KLF12: variants seen among roughly 807,000 people sequenced by gnomAD.
KLF12 encodes the protein Krueppel-like factor 12.
KLF12 carries 9 observed loss-of-function variants against 37.8 expected under a neutral mutation model. The observed-to-expected ratio is 0.24, with a 90% CI of 0.14 to 0.42. The LOEUF (loss-of-function observed/expected upper bound fraction) is 0.42, where lower values mean the gene tolerates loss of function less well. KLF12 is among the 10% of genes least tolerant of loss of function. The pLI, the probability that KLF12 is intolerant of heterozygous loss-of-function variation, is 1.00. For synonymous variants in KLF12, 208 were observed against 202.1 expected, an observed-to-expected ratio of 1.03 and a Z score of -0.25; for missense variants, 411 against 516.0, an observed-to-expected ratio of 0.80 and a Z score of 1.97.
At chr13:74,189,617 G>A in the KLF12 span, among the ~76,000 whole-genome samples, 1,511 of 152,274 alleles carry the variant, frequency 9.9e-3, 26 homozygotes, top group African/African-American at 0.031. Flanking sequence ...TGAAAGCGTG[G>A]AAGATCTGCC....
At chr13:73,934,765 C>G (rs576282496) in intron 3 of KLF12, among the ~76,000 whole-genome samples, 1 of 151,896 alleles carries the variant, frequency 6.6e-6, no homozygotes, top group East Asian at 1.9e-4. Context: ...TCCATCCCAT[C>G]TGAAAAATGT....
rs553064622 is a variant in KLF12, at chr13:73,835,565, T to G, written c.670+10262A>C. 9.1e-4 allele frequency among the ~76,000 whole-genome samples: 138 copies of G among 152,100 alleles called. 1 individual carries two copies. The highest frequency in any genetic ancestry group is 3.1e-3 in the African/African-American group (130 of 41,498). On this transcript the variant is annotated intron_variant, in intron 4 of 7. Transcript: ENST00000377669. ...AAGGTGTTAGAACTGAGGGGGTTAC[T>G]TTGAAAGGGAGGTGCAGAAAGGGCA...
Position 73,930,912 on chromosome 13 carries a change from G to A in KLF12, c.123+13069C>T, listed in dbSNP as rs138920743. ...CGGAGTTTCGCTCCTTGCCCAGGCT[G>A]GAGTGCAATGGCGCGATCTCGGCTC... On this transcript the variant is annotated intron_variant, in intron 3 of 7. Transcript: ENST00000377669. 6.4e-3 allele frequency among the ~76,000 whole-genome samples: 834 copies of A among 131,028 alleles called. 11 individuals are homozygous for A. The highest frequency in any genetic ancestry group is 0.022 in the African/African-American group (755 of 34,440). The allele number at this position is 131,028 out of a possible 152,430, so 86.0% of individuals were successfully genotyped here.
the KLF12 span, among the ~76,000 whole-genome samples, chr13:74,161,267 T>G: frequency 6.6e-6 from 1 of 152,096 alleles, no homozygotes; most frequent in Non-Finnish European, 1.5e-5. Context: ...TACATCCACC[T>G]GGAACCCCAG....
intron 5 of KLF12, chr13:73,801,418 A>C (rs1436566461): frequency 6.6e-6 from 1 of 152,092 alleles, no homozygotes; most frequent in Admixed American, 6.6e-5. Context: ...TATATTAATA[A>C]ATGAAATAGT....
At chr13:74,022,137 A>G (rs1389969830) in intron 1 of KLF12, among the ~76,000 whole-genome samples, 1 of 152,148 alleles carries the variant, frequency 6.6e-6, no homozygotes, top group African/African-American at 2.4e-5. Flanking sequence ...ACAATACTAG[A>G]TATTAGTCAC....
intron 6 of KLF12, among the ~76,000 whole-genome samples, chr13:73,739,207 C>A (rs1448194781): frequency 6.6e-6 from 1 of 150,870 alleles, no homozygotes; most frequent in African/African-American, 2.4e-5. Context: ...ACACTCCAGA[C>A]TGGGTGACAG....
chr13:74,044,819 T>G (rs111457861), intron 1 of KLF12, among the ~76,000 whole-genome samples: 6,766 of 149,634 alleles, frequency 0.045, 185 homozygotes, highest in Non-Finnish European at 0.063. Flanking sequence ...CACTCCAGCC[T>G]GGGTGACAAA....
At chr13:73,743,839 G>T (rs568964479) in intron 6 of KLF12, among the ~76,000 whole-genome samples, 2 of 152,106 alleles carry the variant, frequency 1.3e-5, no homozygotes, top group African/African-American at 4.8e-5. Context: ...AGAAAGTTAC[G>T]CTTCCAGGAA....
Position 73,945,631 on chromosome 13 carries a change from A to G in KLF12, c.34-1561T>C, listed in dbSNP as rs1890388354. The stretch of plus-strand genomic sequence containing the variant: ...ATGTTCCAAGAAATAAAACATACAG[A>G]GCCTCCAAGGAATCAACAAAAAAAA... On this transcript the variant is annotated intron_variant, in intron 2 of 7. Transcript: ENST00000377669. Among the ~76,000 whole-genome samples the G allele has an allele frequency of 2.2e-5, 3 of 136,532 alleles. 1 individual carries two copies. In the South Asian group the frequency reaches 7.2e-4, roughly 33 times the overall value. 89.6% of individuals were successfully genotyped at this position (136,532 alleles called of 152,430 possible). A position where few individuals can be genotyped will look rare whatever the true frequency, so the allele number is the denominator to read the frequency against.
intron 7 of KLF12, among the ~76,000 whole-genome samples, chr13:73,707,301 T>C (rs1875028504): frequency 6.6e-6 from 1 of 152,180 alleles, no homozygotes; most frequent in South Asian, 2.1e-4. Flanking sequence ...GGTATGTTTG[T>C]GTTCAAAGGT....
At chr13:73,911,992 A>G (rs373975080) in intron 3 of KLF12, among the ~76,000 whole-genome samples, 1 of 152,188 alleles carries the variant, frequency 6.6e-6, no homozygotes, top group African/African-American at 2.4e-5. Context: ...TTTTGTTGCA[A>G]TAAGGACATT....
At chr13:74,279,017 A>C in the KLF12 span, among the ~76,000 whole-genome samples, 1 of 152,184 alleles carries the variant, frequency 6.6e-6, no homozygotes, top group African/African-American at 2.4e-5. Flanking sequence ...TGGTTACCCA[A>C]GAAGCTCTGG....
intron 2 of KLF12, among the ~76,000 whole-genome samples, chr13:73,981,471 T>C (rs1218851261): frequency 1.3e-5 from 2 of 152,114 alleles, no homozygotes; most frequent in Non-Finnish European, 2.9e-5. Context: ...TGTGAATGAA[T>C]ATCAAAAACA....
chr13:74,285,658 C>G, the KLF12 span, among the ~76,000 whole-genome samples: 2 of 152,146 alleles, frequency 1.3e-5, no homozygotes, highest in Non-Finnish European at 2.9e-5. Flanking sequence ...AGCAGAAATG[C>G]AAGCAGAGTA....
the KLF12 span, among the ~76,000 whole-genome samples, chr13:74,203,958 A>G: frequency 1.1e-3 from 166 of 152,308 alleles, no homozygotes; most frequent in Non-Finnish European, 1.8e-3. Context: ...CCTTAAAAAA[A>G]GATACAAATA....
At chr13:74,302,005 A>G in the KLF12 span, among the ~76,000 whole-genome samples, 1 of 152,156 alleles carries the variant, frequency 6.6e-6, no homozygotes, top group South Asian at 2.1e-4. Context: ...ATTCATTTCA[A>G]TGACAAATAA....
the KLF12 span, among the ~76,000 whole-genome samples, chr13:74,145,032 A>T: frequency 6.6e-6 from 1 of 152,164 alleles, no homozygotes; most frequent in Non-Finnish European, 1.5e-5. Flanking sequence ...TTTAAGTCCC[A>T]TTCTTTATTC....
chr13:74,253,428 T>A, the KLF12 span, among the ~76,000 whole-genome samples: 16 of 152,164 alleles, frequency 1.1e-4, no homozygotes. Flanking sequence ...TATTTTGAAG[T>A]GGTAGCTAAG....
Sources: gnomAD v4.1 joint callset for allele counts (sites outside exome capture counted in the v4.1 genomes callset) on GRCh38, gnomAD v4.1.1 for gene constraint, MANE v1.5 for transcripts, NCBI Gene and HGNC (gene_info 2026-07-23, HGNC 2026-07-21) for gene names.